FRMD4A: variants seen among roughly 807,000 people sequenced by gnomAD.
The protein encoded by FRMD4A is FERM domain-containing protein 4A.
Under a neutral mutation model 129.1 loss-of-function variants are expected in FRMD4A, and 29 were observed. The ratio of observed to expected loss-of-function variants is 0.22; its 90% CI spans 0.17 to 0.31. The LOEUF (loss-of-function observed/expected upper bound fraction) is 0.31. Ranked by LOEUF, FRMD4A falls within the 10% of genes least tolerant of loss-of-function variation. The pLI, the probability that FRMD4A is intolerant of heterozygous loss-of-function variation, is 1.00. For missense variants in FRMD4A, 1,272 were observed against 1,375.8 expected (o/e 0.92, Z 1.19); for synonymous variants, 634 against 571.6 (o/e 1.11, Z -1.56).
chr10:14,076,263 A>T (rs1174298420), intron 2 of FRMD4A, among the ~76,000 whole-genome samples: 1 of 152,144 alleles, frequency 6.6e-6, no homozygotes, highest in African/African-American at 2.4e-5. Context: ...CAGCATGGTG[A>T]AAGATGAAAA....
chr10:14,285,082 ATATC>A (rs1427016884), intron 2 of FRMD4A, among the ~76,000 whole-genome samples: 31 of 152,362 alleles, frequency 2.0e-4, no homozygotes, highest in African/African-American at 7.2e-4. Context: ...AATAATCTAA[ATATC>A]TAAGATTGTA....
In FRMD4A at chr10:13,666,310, G is replaced by A. The variant is rs372946336; in HGVS notation, c.1390C>T (p.Arg464Cys). 50 of 1,613,368 alleles carry A rather than the reference G, an allele frequency of 3.1e-5. No homozygotes were observed. The highest frequency in any genetic ancestry group is 3.3e-4 in the Middle Eastern group (2 of 6,084). ...LPKGEEAELE[R>C]LEREFAIQSQ... ...TGAATGGCAAACTCTCGTTCCAGGC[G>A]TTCCAGCTCAGCTTCCTGTGGGAGG... The change falls in exon 18 of 25, where the codon CGC becomes TGC. Residue 464 changes from arginine to cysteine, a missense_variant. By Grantham distance (180) the Arg-to-Cys change is radical (BLOSUM62 -3). Around this residue, in one of 2 missense-constraint regions of FRMD4A, gnomAD observed 972 missense variants for 892.3 expected, o/e 1.09. Transcript: ENST00000357447.
At chr10:14,039,727 C>T (rs969214160) in intron 2 of FRMD4A, among the ~76,000 whole-genome samples, 2 of 152,152 alleles carry the variant, frequency 1.3e-5, no homozygotes, top group African/African-American at 4.8e-5. Flanking sequence ...TGTGAACCCT[C>T]TTCCTCACTT....
chr10:13,919,712 C>A (rs930488188), intron 2 of FRMD4A, among the ~76,000 whole-genome samples: 1 of 151,808 alleles, frequency 6.6e-6, no homozygotes, highest in Non-Finnish European at 1.5e-5. Flanking sequence ...CCGAGGTGGG[C>A]GGATCACTTG....
At chr10:14,193,856 T>A (rs544398931) in intron 2 of FRMD4A, among the ~76,000 whole-genome samples, 1 of 152,308 alleles carries the variant, frequency 6.6e-6, no homozygotes, top group African/African-American at 2.4e-5. Context: ...CCTAGACTTC[T>A]TGGTCCCTAA....
chr10:13,681,209 T>A (rs1291682079), intron 15 of FRMD4A, among the ~76,000 whole-genome samples: 1 of 152,220 alleles, frequency 6.6e-6, no homozygotes, highest in East Asian at 1.9e-4. Flanking sequence ...CTTCTGCCAG[T>A]GCTGCTCTCA....
chr10:13,979,318 G>C (rs1461460140), intron 2 of FRMD4A, among the ~76,000 whole-genome samples: 1 of 149,368 alleles, frequency 6.7e-6, no homozygotes, highest in African/African-American at 2.4e-5. Context: ...CTTGAGAAAG[G>C]GGTCCCCAGA....
At chr10:13,696,188 G>C (rs1438091627) in intron 14 of FRMD4A, among the ~76,000 whole-genome samples, 1 of 152,192 alleles carries the variant, frequency 6.6e-6, no homozygotes, top group Non-Finnish European at 1.5e-5. Flanking sequence ...GAAGGATTTT[G>C]GCTTGCCGCA....
chr10:14,133,502 AC>A (rs1209071739), intron 2 of FRMD4A, among the ~76,000 whole-genome samples: 1 of 152,140 alleles, frequency 6.6e-6, no homozygotes. Context: ...GACTACACCC[AC>A]TTGGCCACCA....
intron 2 of FRMD4A, among the ~76,000 whole-genome samples, chr10:14,190,880 G>T (rs1219301343): frequency 6.6e-6 from 1 of 152,200 alleles, no homozygotes; most frequent in African/African-American, 2.4e-5. Context: ...CCTTGGGCAT[G>T]CGCAGTTATC....
chr10:13,869,083 AG>A (rs1351643658), intron 2 of FRMD4A, among the ~76,000 whole-genome samples: 1 of 152,206 alleles, frequency 6.6e-6, no homozygotes, highest in African/African-American at 2.4e-5. Context: ...ATGCAGCAAA[AG>A]GAAATTCGGT....
intron 6 of FRMD4A, among the ~76,000 whole-genome samples, chr10:13,782,230 G>A (rs1489228796): frequency 1.3e-5 from 2 of 152,042 alleles, no homozygotes; most frequent in African/African-American, 2.4e-5. Context: ...AAATATACAC[G>A]TATTTGGTTA....
chr10:13,745,192 A>G (rs900001787), intron 9 of FRMD4A, among the ~76,000 whole-genome samples: 2 of 152,224 alleles, frequency 1.3e-5, no homozygotes, highest in African/African-American at 4.8e-5. Context: ...ATGTACAACT[A>G]TTATGTATCA....
chr10:14,324,819 C>T (rs1012428314), intron 2 of FRMD4A, among the ~76,000 whole-genome samples: 2 of 152,312 alleles, frequency 1.3e-5, no homozygotes, highest in African/African-American at 4.8e-5. Context: ...CCCCACCACG[C>T]CTTGCTAATT....
chr10:13,706,152 C>T (rs1201908431), intron 13 of FRMD4A, among the ~76,000 whole-genome samples: 6 of 152,202 alleles, frequency 3.9e-5, no homozygotes, highest in African/African-American at 1.4e-4. Flanking sequence ...CGCCTAAAAC[C>T]CACTTTTGCT....
At chr10:14,047,310 T>C (rs960055292) in intron 2 of FRMD4A, among the ~76,000 whole-genome samples, 1 of 152,086 alleles carries the variant, frequency 6.6e-6, no homozygotes, top group East Asian at 1.9e-4. Context: ...TGTGCTCTGG[T>C]TTTAATCGGC....
chr10:13,840,826 G>A (rs1227457598), intron 3 of FRMD4A, among the ~76,000 whole-genome samples: 2 of 145,162 alleles, frequency 1.4e-5, no homozygotes, highest in South Asian at 2.2e-4. Flanking sequence ...AAGTGGTCTA[G>A]GCCCAGGTGC....
chr10:13,676,237 G>A (rs1035891316), intron 15 of FRMD4A, among the ~76,000 whole-genome samples: 3 of 151,892 alleles, frequency 2.0e-5, no homozygotes, highest in Admixed American at 6.6e-5. Context: ...CTCTACAAAG[G>A]GAAAAGCTGA....
chr10:14,143,558 G>C (rs538129391), intron 2 of FRMD4A, among the ~76,000 whole-genome samples: 10 of 152,316 alleles, frequency 6.6e-5, no homozygotes, highest in Non-Finnish European at 1.3e-4. Flanking sequence ...CAATGCGAAT[G>C]TATTTAATGC....
Sources: gnomAD v4.1 joint callset for allele counts (sites outside exome capture counted in the v4.1 genomes callset) on GRCh38, gnomAD v4.1.1 for gene constraint, gnomAD v4.1.1 regional missense constraint, MANE v1.5 for transcripts, NCBI Gene and HGNC (gene_info 2026-07-23, HGNC 2026-07-21) for gene names.